Variants in IQGAP2 observed in about 807,000 individuals in gnomAD.
The protein encoded by IQGAP2 is IQ motif containing GTPase activating protein 2, also known as ras GTPase-activating-like protein IQGAP2.
In IQGAP2, 173 loss-of-function variants were observed where a neutral mutation model predicts 201.3. The ratio of observed to expected loss-of-function variants is 0.86; its 90% CI spans 0.76 to 0.98. The LOEUF is 0.98. Among genes scored for constraint, IQGAP2 ranks in the 50% least tolerant of loss-of-function variants. The probability of loss-of-function intolerance (pLI) is 0.00; values close to 1 mark genes in which losing one functional copy is unlikely to be tolerated. For synonymous variants in IQGAP2, 675 were observed against 673.9 expected (o/e 1.00, Z -0.03); for missense variants, 1,687 against 1,864.8 (o/e 0.90, Z 1.76).
intron 16 of IQGAP2, among the ~76,000 whole-genome samples, chr5:76,639,471 A>G (rs74450839): frequency 0.017 from 2,521 of 152,308 alleles, 73 homozygotes; most frequent in African/African-American, 0.057. Flanking sequence ...ATACTCTTGA[A>G]GGAATATTCA....
chr5:76,679,519 C>T (rs1745103948), intron 28 of IQGAP2, among the ~76,000 whole-genome samples: 1 of 152,158 alleles, frequency 6.6e-6, no homozygotes, highest in Admixed American at 6.5e-5. Flanking sequence ...TGGCCATGTG[C>T]TTACCCCTTT....
intron 2 of IQGAP2, among the ~76,000 whole-genome samples, chr5:76,523,010 C>A (rs542462235): frequency 6.6e-6 from 1 of 151,826 alleles, no homozygotes; most frequent in South Asian, 2.1e-4. Context: ...AGATCTTAAC[C>A]TCAGAAGGAG....
intron 2 of IQGAP2, among the ~76,000 whole-genome samples, chr5:76,547,051 A>T (rs1366503667): frequency 6.6e-6 from 1 of 152,182 alleles, no homozygotes; most frequent in Non-Finnish European, 1.5e-5. Context: ...GGACATAGCT[A>T]GAGGAAGAAA....
chr5:76,697,652 G>A (rs4704355), intron 32 of IQGAP2, among the ~76,000 whole-genome samples: 49,903 of 151,996 alleles, frequency 0.33, 8,343 homozygotes, highest in Non-Finnish European at 0.35. Flanking sequence ...AAAGTCTGAA[G>A]AAATTGCATT....
rs1226200696 is a variant in IQGAP2 at position 76,652,826 on chromosome 5, T to C, written c.2171T>C (p.Ile724Thr). The change falls in exon 18 of 36, where the codon ATT becomes ACT. Residue 724 changes from isoleucine (I) to threonine (T), a missense_variant. Physicochemically the swap from Ile to Thr is moderately conservative, Grantham distance 89. Coordinates refer to ENST00000274364, the MANE Select transcript of IQGAP2 (RefSeq NM_006633.5). ...RQTFIDNTDS[I>T]VKIQSWFRMA... ...ACGTTCATTGATAATACTGATTCTA[T>C]TGTGAAGGTAAATACCCTTTCCTAC... is the stretch of plus-strand genomic sequence containing the variant. 25 of 1,580,126 alleles carry C rather than the reference T, an allele frequency of 1.6e-5. No individual in the cohort carries two copies. The highest frequency in any genetic ancestry group is 1.9e-5 in the Non-Finnish European group (22 of 1,148,902).
chr5:76,485,918 A>T (rs548018046), intron 2 of IQGAP2, among the ~76,000 whole-genome samples: 1 of 152,232 alleles, frequency 6.6e-6, no homozygotes, highest in Admixed American at 6.5e-5. Flanking sequence ...ATTTTTTTCC[A>T]CAGCTTTAGT....
At position 76,501,643 on chromosome 5, in the gene IQGAP2, C is replaced by CTTTTTTTCT. The variant is rs764511380; in HGVS notation, c.146+39981_146+39982insCTTTTTTTT. On this transcript the variant is annotated intron_variant, in intron 2 of 35. Coordinates refer to ENST00000274364, the MANE Select transcript of IQGAP2 (RefSeq NM_006633.5). ...CCTGCTGCATTTTCTTTTTCCTTTT[C>CTTTTTTTCT]TTTTTTTTTTTTTTCCTTGAGACAG... 2.4e-3 allele frequency among the ~76,000 whole-genome samples: 244 copies of CTTTTTTTCT among 101,134 alleles called. 2 individuals carry two copies. The highest frequency in any genetic ancestry group is 6.8e-3 in the Middle Eastern group (1 of 146). 66.3% of individuals were successfully genotyped at this position (101,134 alleles called of 152,430 possible). A position where few individuals can be genotyped will look rare whatever the true frequency, so the allele number is the denominator to read the frequency against.
In IQGAP2 at chr5:76,417,144, T is replaced by C. The variant is rs1423387164; in HGVS notation, c.46+13553T>C. Among the ~76,000 whole-genome samples the C allele has an allele frequency of 2.6e-5, 4 of 152,164 alleles. No homozygotes were observed. In the East Asian group the frequency reaches 7.7e-4, roughly 29 times the overall value. ...GATTGCTCTGAAAATTGTTCAAGTG[T>C]GTGTGTGTGTCTACAGTGGGGAGGG... On this transcript the variant is annotated intron_variant, in intron 1 of 35. Transcript: ENST00000274364.
At chr5:76,452,905 C>CTTTTT (rs71604293) in intron 1 of IQGAP2, among the ~76,000 whole-genome samples, 247 of 106,022 alleles carry the variant, frequency 2.3e-3, no homozygotes, top group East Asian at 3.2e-3. Flanking sequence ...CAATTCCTAT[C>CTTTTT]TTTTTTTTTT....
chr5:76,704,152 T>C (rs3797451), intron 35 of IQGAP2, among the ~76,000 whole-genome samples: 49,114 of 152,182 alleles, frequency 0.32, 8,077 homozygotes, highest in Non-Finnish European at 0.35. Context: ...AATGTATCCA[T>C]TTAATAATTT....
rs563063990 is a variant in IQGAP2 at position 76,565,081 on chromosome 5, C to T, written c.303+2529C>T. Among the ~76,000 whole-genome samples the T allele has an allele frequency of 3.9e-5, 6 of 152,282 alleles. No homozygotes were observed. In the East Asian group the frequency reaches 1.2e-3, roughly 29 times the overall value. ...ATCTTATTTTAGCGCCTTTTCATCTCTCATACGAAAATGAAAGGAGATAAA... is the reference window on the plus strand; with the variant it reads ...ATCTTATTTTAGCGCCTTTTCATCTTTCATACGAAAATGAAAGGAGATAAA... On this transcript the variant is annotated intron_variant, in intron 3 of 35. Coordinates refer to ENST00000274364, the MANE Select transcript of IQGAP2 (RefSeq NM_006633.5).
intron 1 of IQGAP2, among the ~76,000 whole-genome samples, chr5:76,434,056 GA>G (rs1254348845): frequency 1.3e-5 from 2 of 152,066 alleles, no homozygotes; most frequent in Admixed American, 1.3e-4. Context: ...TATAAGCCAG[GA>G]AGGAAAAAAT....
chr5:76,568,602 C>G (rs1478529892), intron 3 of IQGAP2, among the ~76,000 whole-genome samples: 2 of 152,194 alleles, frequency 1.3e-5, no homozygotes, highest in African/African-American at 2.4e-5. Flanking sequence ...TGTGGTCAAA[C>G]AAGATTAGGT....
chr5:76,655,061 A>G, intron 20 of IQGAP2, 58 bp downstream of exon 20: 1 of 1,126,266 alleles, frequency 8.9e-7, no homozygotes, highest in Non-Finnish European at 1.3e-6. Flanking sequence ...GCAAGGACAT[A>G]TTGGTCCATA....
At chr5:76,700,228 C>T (rs1316333888) in intron 33 of IQGAP2, among the ~76,000 whole-genome samples, 2 of 152,128 alleles carry the variant, frequency 1.3e-5, no homozygotes, top group African/African-American at 2.4e-5. Context: ...TCTCTTATGT[C>T]GTGTGATCTT....
chr5:76,478,202 C>G (rs1466204565), intron 2 of IQGAP2, among the ~76,000 whole-genome samples: 1 of 152,022 alleles, frequency 6.6e-6, no homozygotes, highest in Non-Finnish European at 1.5e-5. Flanking sequence ...GAGTTTGAGA[C>G]CAGCCTGGCC....
intron 2 of IQGAP2, among the ~76,000 whole-genome samples, chr5:76,473,165 G>A (rs1003004203): frequency 2.6e-5 from 4 of 152,148 alleles, no homozygotes; most frequent in Non-Finnish European, 5.9e-5. Flanking sequence ...ATTTCTTAAT[G>A]TGTTTTGATC....
At chr5:76,617,434 A>G in intron 13 of IQGAP2, 2 of 645,984 alleles carry the variant, frequency 3.1e-6, no homozygotes, top group Non-Finnish European at 5.2e-6. Context: ...AAAAACAAAC[A>G]AACAAACTAC....
At chr5:76,515,619 G>T (rs1270686787) in intron 2 of IQGAP2, among the ~76,000 whole-genome samples, 1 of 152,090 alleles carries the variant, frequency 6.6e-6, no homozygotes, top group African/African-American at 2.4e-5. Flanking sequence ...GAACAAATTT[G>T]TTTCTTATTT....
Sources: gnomAD v4.1 joint callset for allele counts (sites outside exome capture counted in the v4.1 genomes callset) on GRCh38, gnomAD v4.1.1 for gene constraint, MANE v1.5 for transcripts, NCBI Gene and HGNC (gene_info 2026-07-23, HGNC 2026-07-21) for gene names.